Variants in CADM3 observed in about 807,000 individuals in gnomAD.
The protein encoded by CADM3 is TSLC1-like 1.
CADM3 carries 11 observed loss-of-function variants against 44.9 expected under a neutral mutation model. That is an observed-to-expected ratio of 0.25 (90% CI 0.15 to 0.41). CADM3 has a LOEUF of 0.41. Ranked by LOEUF, CADM3 falls within the 10% of genes least tolerant of loss-of-function variation. CADM3 has a pLI of 1.00. For missense variants in CADM3, 426 were observed against 512.0 expected (o/e 0.83, Z 1.62); for synonymous variants, 207 against 205.2 (o/e 1.01, Z -0.08).
At chr1:159,185,185 G>A (rs1649372377) in intron 1 of CADM3, among the ~76,000 whole-genome samples, 1 of 152,158 alleles carries the variant, frequency 6.6e-6, no homozygotes, top group Non-Finnish European at 1.5e-5. Flanking sequence ...TAGTCCCAAA[G>A]GTATAGGTGC....
intron 1 of CADM3, among the ~76,000 whole-genome samples, chr1:159,181,132 C>A (rs984173185): frequency 4.6e-5 from 7 of 152,270 alleles, no homozygotes; most frequent in Non-Finnish European, 8.8e-5. Flanking sequence ...AAATTGAATT[C>A]TGCGTTTGAC....
chr1:159,194,020 C>A lies in CADM3; in HGVS notation c.671C>A (p.Ser224Tyr). Residue 224 changes from serine (S) to tyrosine (Y), a missense_variant, in exon 5 of 9, where the codon TCT becomes TAT. Ser to Tyr is a moderately radical substitution (Grantham distance 144). Around this residue, in one of 2 missense-constraint regions of CADM3, gnomAD observed 362 missense variants for 474.6 expected, o/e 0.76. Transcript: ENST00000368125. ...CTAAAGGGAGCTGACAGATCCACCT[C>A]TCAACGCATTGAAGTTTTATGTATG... ...ESLKGADRSTSQRIEVLYTPT... is the reference protein window; with the variant it reads ...ESLKGADRSTYQRIEVLYTPT... 6.2e-7 allele frequency: 1 copy of A among 1,613,870 alleles called. No individual in the cohort carries two copies. The highest frequency in any genetic ancestry group is 8.5e-7 in the Non-Finnish European group (1 of 1,179,828).
rs573730957 is a variant in CADM3, at chr1:159,198,731, G to A, written c.953-1020G>A. Among the ~76,000 whole-genome samples, 263 of 152,250 alleles carry A rather than the reference G, an allele frequency of 1.7e-3. 1 individual carries two copies. The highest frequency in any genetic ancestry group is 5.9e-3 in the African/African-American group (246 of 41,552). ...TACATCAGAACCGTGTGCTGGGCCC[G>A]TGCGAGTCCTCAGATATTTGGGACT... On this transcript the variant is annotated intron_variant, in intron 7 of 8. Coordinates refer to ENST00000368125, the MANE Select transcript of CADM3 (RefSeq NM_001127173.3).
chr1:159,172,981 G>C (rs948985748), intron 1 of CADM3, among the ~76,000 whole-genome samples: 3 of 152,064 alleles, frequency 2.0e-5, no homozygotes, highest in African/African-American at 4.8e-5. Context: ...GCTGTGAAGA[G>C]ACTGAAGGAA....
rs1328188645 is a variant in CADM3 at position 159,186,161 on chromosome 1, CAT to C, written c.89-5773_89-5772del. ...AACGGATGCAGAAAAACAAAGCGTT[CAT>C]AGAGAGAATTCCAAAAGGCTTCACA... On this transcript the variant is annotated intron_variant, in intron 1 of 8. Coordinates refer to ENST00000368125, the MANE Select transcript of CADM3 (RefSeq NM_001127173.3). Among the ~76,000 whole-genome samples, 6 of 152,218 alleles carry C rather than the reference CAT, an allele frequency of 3.9e-5. No individual in the cohort carries two copies. In the East Asian group the frequency reaches 1.2e-3, roughly 29 times the overall value.
At chr1:159,185,114 A>C (rs1489055459) in intron 1 of CADM3, among the ~76,000 whole-genome samples, 1 of 152,194 alleles carries the variant, frequency 6.6e-6, no homozygotes, top group East Asian at 1.9e-4. Flanking sequence ...TTAACTAGAC[A>C]TGCCATTTGC....
chr1:159,175,832 G>A (rs759429128), intron 1 of CADM3, among the ~76,000 whole-genome samples: 1 of 152,228 alleles, frequency 6.6e-6, no homozygotes. Flanking sequence ...AAATTCCAGA[G>A]ACAGCATCGC....
At chr1:159,196,867 C>T (rs1348409189) in intron 6 of CADM3, 24 bp from the exon 7 acceptor site, 1 of 1,611,672 alleles carries the variant, frequency 6.2e-7, no homozygotes, top group Non-Finnish European at 8.5e-7. Flanking sequence ...CTCCTGAGCT[C>T]TTCTGATTTG....
At chr1:159,183,615 T>C (rs1332079541) in intron 1 of CADM3, among the ~76,000 whole-genome samples, 1 of 152,038 alleles carries the variant, frequency 6.6e-6, no homozygotes, top group Non-Finnish European at 1.5e-5. Context: ...AGGAGATCCT[T>C]TAGGAGACTG....
intron 3 of CADM3, 131 bp downstream of exon 3, chr1:159,192,861 C>T (rs762405608): frequency 2.6e-5 from 22 of 853,788 alleles, no homozygotes; most frequent in Non-Finnish European, 3.7e-5. Flanking sequence ...CTGTGTTCCC[C>T]TGGCAATGGG....
intron 1 of CADM3, among the ~76,000 whole-genome samples, chr1:159,191,169 C>T (rs1649646856): frequency 6.6e-6 from 1 of 152,138 alleles, no homozygotes; most frequent in African/African-American, 2.4e-5. Flanking sequence ...TTTTGTTTAA[C>T]TTGACTAAGG....
intron 1 of CADM3, among the ~76,000 whole-genome samples, chr1:159,183,843 A>G (rs1245907492): frequency 6.6e-6 from 1 of 152,174 alleles, no homozygotes; most frequent in Non-Finnish European, 1.5e-5. Context: ...AAGTAAGAGA[A>G]TATTTTGACA....
chr1:159,182,274 A>G (rs934166450), intron 1 of CADM3, among the ~76,000 whole-genome samples: 2 of 151,962 alleles, frequency 1.3e-5, no homozygotes, highest in African/African-American at 4.8e-5. Context: ...AACTTCTCCA[A>G]CCTACTGGGC....
chr1:159,190,567 A>T (rs895303675), intron 1 of CADM3, among the ~76,000 whole-genome samples: 2 of 152,170 alleles, frequency 1.3e-5, no homozygotes, highest in African/African-American at 4.8e-5. Context: ...TAATGCTGAA[A>T]CTAACCACCA....
rs1650276451 is a variant in CADM3, at chr1:159,202,728, T to C, written c.*1806T>C. On this transcript the variant is annotated 3_prime_UTR_variant, in exon 9 of 9. Transcript: ENST00000368125. ...GGCATGCAAAAAGGGGCAGCTGCAA[T>C]CTAGCAGGCCTGCCCACCCCCTTCA... is the stretch of plus-strand genomic sequence containing the variant. 6.6e-6 allele frequency: 1 copy of C among 152,002 alleles called. No individual in the cohort carries two copies. The highest frequency in any genetic ancestry group is 1.5e-5 in the Non-Finnish European group (1 of 68,034). The allele number at this position is 152,002 out of a possible 1,614,324, so 9.4% of individuals were successfully genotyped here. A position where few individuals can be genotyped will look rare whatever the true frequency, so the allele number is the denominator to read the frequency against.
chr1:159,199,677 T>G lies in CADM3; in HGVS notation c.953-74T>G. ...CCTGTTCCCTGCTGTGTAAGACTAT[T>G]CATGGCCAAGTTGGAATGCTATAAG... On this transcript the variant is annotated intron_variant, in intron 7 of 8. Coordinates refer to ENST00000368125, the MANE Select transcript of CADM3 (RefSeq NM_001127173.3). 10 of 1,607,302 alleles carry G rather than the reference T, an allele frequency of 6.2e-6. No individual in the cohort carries two copies. The South Asian group carries it at 1.1e-4, about 18-fold the overall frequency.
At chr1:159,175,621 A>G (rs1648987864) in intron 1 of CADM3, among the ~76,000 whole-genome samples, 1 of 152,240 alleles carries the variant, frequency 6.6e-6, no homozygotes, top group Non-Finnish European at 1.5e-5. Context: ...ATAATCCTTA[A>G]GGAACTACCT....
At chr1:159,182,261 C>G (rs900041333) in intron 1 of CADM3, among the ~76,000 whole-genome samples, 2 of 152,214 alleles carry the variant, frequency 1.3e-5, no homozygotes, top group African/African-American at 4.8e-5. Flanking sequence ...TTCATCATAA[C>G]CAAACTTCTC....
chr1:159,196,507 C>T lies in CADM3; in HGVS notation c.782+53C>T, dbSNP rs943244960. ...CCTTACTCTCCACATTCTCAGATTGCCTTCTTCACATAACAGCTCCTTCCT... is the reference window on the plus strand; with the variant it reads ...CCTTACTCTCCACATTCTCAGATTGTCTTCTTCACATAACAGCTCCTTCCT... On this transcript the variant is annotated intron_variant, in intron 6 of 8. Transcript: ENST00000368125. 5 of 1,438,640 alleles carry T rather than the reference C, an allele frequency of 3.5e-6. No individual in the cohort carries two copies. The African/African-American group carries it at 7.0e-5, about 20-fold the overall frequency. The allele number at this position is 1,438,640 out of a possible 1,614,324, so 89.1% of individuals were successfully genotyped here. A position where few individuals can be genotyped will look rare whatever the true frequency, so the allele number is the denominator to read the frequency against.
Sources: gnomAD v4.1 joint callset for allele counts (sites outside exome capture counted in the v4.1 genomes callset) on GRCh38, gnomAD v4.1.1 for gene constraint, gnomAD v4.1.1 regional missense constraint, MANE v1.5 for transcripts, NCBI Gene and HGNC (gene_info 2026-07-23, HGNC 2026-07-21) for gene names.